Variants in TNFSF4 observed in about 807,000 individuals in gnomAD.
TNFSF4 encodes the protein TNF superfamily member 4, also known as tumor necrosis factor ligand superfamily member 4.
A neutral mutation model predicts 7.3 loss-of-function variants in TNFSF4; 4 were observed. The observed-to-expected ratio is 0.55, with a 90% CI of 0.27 to 1.25. The LOEUF (loss-of-function observed/expected upper bound fraction) is 1.25, where lower values mean the gene tolerates loss of function less well. Ranked by LOEUF, TNFSF4 falls within the 50% of genes most tolerant of loss-of-function variation. TNFSF4 has a pLI of 0.12. For synonymous variants in TNFSF4, 76 were observed against 83.7 expected, an observed-to-expected ratio of 0.91 and a Z score of 0.50; for missense variants, 181 against 208.8, an observed-to-expected ratio of 0.87 and a Z score of 0.82.
the TNFSF4 span, among the ~76,000 whole-genome samples, chr1:173,438,152 A>G: frequency 6.6e-6 from 1 of 152,210 alleles, no homozygotes; most frequent in African/African-American, 2.4e-5. Context: ...TAAATTAGAG[A>G]GTATCTAGGT....
At chr1:173,415,175 C>T in the TNFSF4 span, among the ~76,000 whole-genome samples, 9 of 152,186 alleles carry the variant, frequency 5.9e-5, no homozygotes, top group East Asian at 1.7e-3. Context: ...ATAAAGTGTT[C>T]GTTGCTGTTT....
the TNFSF4 span, among the ~76,000 whole-genome samples, chr1:173,251,558 A>G: frequency 6.6e-6 from 1 of 152,066 alleles, no homozygotes; most frequent in African/African-American, 2.4e-5. Context: ...GGCCAGGGGG[A>G]GGGTATGTGA....
At chr1:173,308,328 T>C in the TNFSF4 span, among the ~76,000 whole-genome samples, 2 of 151,380 alleles carry the variant, frequency 1.3e-5, no homozygotes, top group Non-Finnish European at 3.0e-5. Context: ...TGTGTGTGTG[T>C]GTTTTATTGA....
chr1:173,249,991 C>T, the TNFSF4 span, among the ~76,000 whole-genome samples: 1 of 152,114 alleles, frequency 6.6e-6, no homozygotes, highest in African/African-American at 2.4e-5. Context: ...CAAACCTGCA[C>T]ATTCTGCAAA....
the TNFSF4 span, among the ~76,000 whole-genome samples, chr1:173,353,650 C>G: frequency 6.6e-6 from 1 of 152,100 alleles, no homozygotes; most frequent in African/African-American, 2.4e-5. Context: ...TCGTAAGAGC[C>G]ATGTTAGACA....
the TNFSF4 span, among the ~76,000 whole-genome samples, chr1:173,310,382 A>G: frequency 6.6e-6 from 1 of 151,868 alleles, no homozygotes; most frequent in Non-Finnish European, 1.5e-5. Context: ...GTTAATTTCC[A>G]TTGTGATTTT....
the TNFSF4 span, among the ~76,000 whole-genome samples, chr1:173,308,295 G>GTA: frequency 2.1e-5 from 3 of 144,410 alleles, no homozygotes; most frequent in Non-Finnish European, 4.5e-5. Flanking sequence ...CTGTGTGTGT[G>GTA]TGTGTGTGTG....
chr1:173,363,477 T>C, the TNFSF4 span: 1 of 420,562 alleles, frequency 2.4e-6, no homozygotes. Flanking sequence ...TCACACTTTC[T>C]TCTGCCAGAA....
the TNFSF4 span, among the ~76,000 whole-genome samples, chr1:173,229,927 A>G: frequency 6.6e-6 from 1 of 152,246 alleles, no homozygotes; most frequent in African/African-American, 2.4e-5. Context: ...ACCCAGATTC[A>G]TAAAGCAAGT....
the TNFSF4 span, among the ~76,000 whole-genome samples, chr1:173,358,045 T>TGG: frequency 6.3e-4 from 96 of 152,266 alleles, no homozygotes; most frequent in African/African-American, 2.2e-3. Context: ...GATTTTGAGA[T>TGG]GGGGGGGGGT....
the TNFSF4 span, among the ~76,000 whole-genome samples, chr1:173,215,071 C>T: frequency 6.6e-6 from 1 of 151,994 alleles, no homozygotes; most frequent in Non-Finnish European, 1.5e-5. Context: ...GGAAAGTAGT[C>T]GAGTCATGAG....
chr1:173,308,111 C>G, the TNFSF4 span, among the ~76,000 whole-genome samples: 1 of 151,810 alleles, frequency 6.6e-6, no homozygotes. Context: ...TAAATACAAT[C>G]CCTTTGTCAG....
chr1:173,369,852 AAGG>A, the TNFSF4 span, among the ~76,000 whole-genome samples: 3 of 152,018 alleles, frequency 2.0e-5, no homozygotes, highest in Non-Finnish European at 2.9e-5. Context: ...TTTTTCACTG[AAGG>A]AGAATACACA....
chr1:173,396,685 G>GC, the TNFSF4 span, among the ~76,000 whole-genome samples: 1 of 152,170 alleles, frequency 6.6e-6, no homozygotes, highest in African/African-American at 2.4e-5. Context: ...CCAAAAGTTG[G>GC]CCCACAGTGA....
chr1:173,415,543 C>G, the TNFSF4 span, among the ~76,000 whole-genome samples: 1 of 152,244 alleles, frequency 6.6e-6, no homozygotes, highest in Admixed American at 6.5e-5. Context: ...GGGCCCCAGT[C>G]TTGATGGCCT....
chr1:173,368,044 T>C, the TNFSF4 span, among the ~76,000 whole-genome samples: 3 of 152,052 alleles, frequency 2.0e-5, no homozygotes, highest in South Asian at 6.2e-4. Flanking sequence ...CTCTGTAAAA[T>C]GCACCAATCA....
chr1:173,206,595 A>G (rs1329626579), intron 1 of TNFSF4, among the ~76,000 whole-genome samples: 1 of 152,200 alleles, frequency 6.6e-6, no homozygotes, highest in Non-Finnish European at 1.5e-5. Flanking sequence ...ATCACCTTGC[A>G]GGTCTATAGG....
At chr1:173,315,552 CA>C in the TNFSF4 span, among the ~76,000 whole-genome samples, 16 of 151,336 alleles carry the variant, frequency 1.1e-4, 1 homozygote, top group Non-Finnish European at 2.9e-5. Context: ...TATGTGGAGG[CA>C]AAAAAAATGT....
At chr1:173,176,912 G>C in the TNFSF4 span, among the ~76,000 whole-genome samples, 1 of 152,144 alleles carries the variant, frequency 6.6e-6, no homozygotes, top group Admixed American at 6.5e-5. Flanking sequence ...ATAAGTGGGA[G>C]CTAAACAACA....
Sources: gnomAD v4.1 joint callset for allele counts (sites outside exome capture counted in the v4.1 genomes callset) on GRCh38, gnomAD v4.1.1 for gene constraint, MANE v1.5 for transcripts, NCBI Gene and HGNC (gene_info 2026-07-23, HGNC 2026-07-21) for gene names.